CCDC18: variants seen among roughly 807,000 people sequenced by gnomAD.
The protein encoded by CCDC18 is coiled-coil domain containing 18.
Under a neutral mutation model 196.0 loss-of-function variants are expected in CCDC18, and 157 were observed. The ratio of observed to expected loss-of-function variants is 0.80; its 90% CI spans 0.70 to 0.91. The LOEUF (loss-of-function observed/expected upper bound fraction) is 0.91. CCDC18 is among the 40% of genes least tolerant of loss of function. The pLI is 0.00. For synonymous variants in CCDC18, 482 were observed against 529.2 expected (o/e 0.91, Z 1.22); for missense variants, 1,465 against 1,611.6 (o/e 0.91, Z 1.56).
At chr1:93,261,958 A>AACTT (rs1438559751) in intron 26 of CCDC18, among the ~76,000 whole-genome samples, 2 of 152,170 alleles carry the variant, frequency 1.3e-5, no homozygotes, top group African/African-American at 2.4e-5. Context: ...CACCTCGGGA[A>AACTT]ACTTACAATC....
chr1:93,239,578 T>C, intron 20 of CCDC18, 105 bp downstream of exon 20: 1 of 1,391,676 alleles, frequency 7.2e-7, no homozygotes, highest in Non-Finnish European at 9.8e-7. Flanking sequence ...AAATAAGTGG[T>C]ATTTTGCCTC....
chr1:93,208,968 AT>A (rs1216763753), intron 9 of CCDC18, among the ~76,000 whole-genome samples: 1 of 150,176 alleles, frequency 6.7e-6, no homozygotes, highest in Non-Finnish European at 1.5e-5. Context: ...CCGGCCTTTT[AT>A]TTTTTTGAAA....
intron 18 of CCDC18, among the ~76,000 whole-genome samples, chr1:93,235,780 A>G (rs997834223): frequency 1.3e-5 from 2 of 152,174 alleles, no homozygotes; most frequent in Non-Finnish European, 2.9e-5. Context: ...AGTTTGATTT[A>G]TATAAAGGAG....
chr1:93,221,500 A>T, intron 14 of CCDC18, 109 bp from the exon 15 acceptor site: 1 of 743,728 alleles, frequency 1.3e-6, no homozygotes, highest in Non-Finnish European at 2.0e-6. Flanking sequence ...ACAATTTGGC[A>T]AAATACAAAA....
At chr1:93,272,008 T>C (rs1665312146) in intron 28 of CCDC18, among the ~76,000 whole-genome samples, 1 of 152,196 alleles carries the variant, frequency 6.6e-6, no homozygotes, top group Admixed American at 6.5e-5. Flanking sequence ...AGTTTGAGAA[T>C]GGAAATAATC....
intron 21 of CCDC18, among the ~76,000 whole-genome samples, chr1:93,245,149 C>G (rs1474913165): frequency 1.3e-5 from 2 of 152,012 alleles, no homozygotes; most frequent in African/African-American, 4.8e-5. Flanking sequence ...TAGGAAACAT[C>G]CAGTAAATAT....
At chr1:93,197,745 CTTTTT>C (rs71094240) in intron 6 of CCDC18, among the ~76,000 whole-genome samples, 1 of 76,008 alleles carries the variant, frequency 1.3e-5, no homozygotes. Context: ...CTTTTCTTTT[CTTTTT>C]TTTTTTTTTT....
In CCDC18 at chr1:93,192,115, A is replaced by G. The variant is rs115246469; in HGVS notation, c.569+9A>G. 0.013 allele frequency: 19,185 copies of G among 1,530,460 alleles called. 179 individuals carry two copies. The highest frequency in any genetic ancestry group is 0.013 in the Non-Finnish European group (14,784 of 1,105,752). 94.8% of individuals were successfully genotyped at this position (1,530,460 alleles called of 1,614,324 possible). A position where few individuals can be genotyped will look rare whatever the true frequency, so the allele number is the denominator to read the frequency against. ...CAAGATAAAGTTTTGAGGTAAATAT[A>G]CTTTTTATAGCTCTCAAAGTTTTAT... On this transcript the variant is annotated intron_variant, in intron 5 of 28. Transcript: ENST00000690025.
Position 93,226,383 on chromosome 1 carries a change from G to A in CCDC18, c.2226G>A (p.Leu742=), listed in dbSNP as rs750115635. ...ALEICKEELV[L]HLNQLEGNKE... ...AAATTTGTAAGGAAGAACTTGTCTT[G>A]CATTTGAATCAATTGGAAGGAAATA... Residue 742 remains leucine (L), a synonymous_variant, in exon 17 of 29, where the codon TTG becomes TTA. Coordinates refer to ENST00000690025, the MANE Select transcript of CCDC18 (RefSeq NM_001378204.1). The A allele has an allele frequency of 6.3e-7, 1 of 1,588,058 alleles. No homozygotes were observed. Among genetic ancestry groups the A allele is most frequent in the Non-Finnish European group, 8.6e-7 (1 of 1,167,956 alleles).
At chr1:93,192,473 C>G (rs1434826444) in intron 5 of CCDC18, among the ~76,000 whole-genome samples, 1 of 152,224 alleles carries the variant, frequency 6.6e-6, no homozygotes, top group African/African-American at 2.4e-5. Flanking sequence ...CACTGCGTCA[C>G]CTAGGCTGGA....
At chr1:93,212,513 C>T (rs1570376685) in intron 11 of CCDC18, among the ~76,000 whole-genome samples, 1 of 152,056 alleles carries the variant, frequency 6.6e-6, no homozygotes, top group African/African-American at 2.4e-5. Context: ...CTCTGATAGA[C>T]CCCAGTATGT....
chr1:93,205,419 G>GCTAGA, intron 7 of CCDC18, 91 bp from the exon 8 acceptor site: 2 of 1,118,240 alleles, frequency 1.8e-6, no homozygotes, highest in Non-Finnish European at 2.5e-6. Flanking sequence ...CTACTCTCCT[G>GCTAGA]CTTATTTCTG....
intron 28 of CCDC18, chr1:93,271,122 A>G: frequency 1.0e-6 from 1 of 984,372 alleles, no homozygotes; most frequent in Non-Finnish European, 1.2e-6. Context: ...AAATGGTAAG[A>G]AATATGCAGT....
chr1:93,184,798 A>G (rs1337554502), intron 3 of CCDC18, among the ~76,000 whole-genome samples: 1 of 151,996 alleles, frequency 6.6e-6, no homozygotes, highest in Admixed American at 6.6e-5. Context: ...TCGGAAAGCC[A>G]ACCATTAAGA....
At position 93,192,011 on chromosome 1, in the gene CCDC18, T is replaced by A. The variant is rs1041200125; in HGVS notation, c.474T>A (p.Leu158=). ...TTTTTATGTTTTAGGTTTCTATGCT[T>A]GAGTCTGCTCAACAGCAGGCAGCCA... ...LTQSRAKVSM[L]ESAQQQAASV... Residue 158 remains leucine (L), a synonymous_variant, in exon 5 of 29, where the codon CTT becomes CTA. Coordinates refer to ENST00000690025, the MANE Select transcript of CCDC18 (RefSeq NM_001378204.1). 1 of 1,611,092 alleles carries A rather than the reference T, an allele frequency of 6.2e-7. No homozygotes were observed. Among genetic ancestry groups the A allele is most frequent in the Non-Finnish European group, 8.5e-7 (1 of 1,177,634 alleles).
chr1:93,214,779 A>G lies in CCDC18; in HGVS notation c.1532A>G (p.Asn511Ser). ...SVKDQNQHTM[N>S]KQYEKERQRL... ...AAAGATCAAAATCAACATACTATGA[A>G]CAAGCAATATGAAAAAGAGAGGCAA... Residue 511 changes from asparagine (N) to serine (S), a missense_variant, in exon 12 of 29, where the codon AAC (asparagine) becomes AGC (serine). Transcript: ENST00000690025. 2 of 1,612,670 alleles carry G rather than the reference A, an allele frequency of 1.2e-6. No individual in the cohort carries two copies. The highest frequency in any genetic ancestry group is 2.2e-5 in the South Asian group (2 of 91,018).
intron 11 of CCDC18, among the ~76,000 whole-genome samples, chr1:93,212,656 G>A (rs541199923): frequency 6.6e-6 from 1 of 152,270 alleles, no homozygotes; most frequent in East Asian, 1.9e-4. Context: ...GACAGCAAAA[G>A]TTATTTCAGA....
intron 1 of CCDC18, among the ~76,000 whole-genome samples, chr1:93,181,623 CT>C (rs758209285): frequency 4.0e-5 from 6 of 148,878 alleles, no homozygotes; most frequent in African/African-American, 4.9e-5. Context: ...GGAGTTCTTT[CT>C]TTTTTTTTTG....
At chr1:93,271,864 C>T (rs1375224395) in intron 28 of CCDC18, among the ~76,000 whole-genome samples, 1 of 152,114 alleles carries the variant, frequency 6.6e-6, no homozygotes, top group Non-Finnish European at 1.5e-5. Flanking sequence ...TCCATTCCCC[C>T]TTTTGATATT....
Sources: gnomAD v4.1 joint callset for allele counts (sites outside exome capture counted in the v4.1 genomes callset) on GRCh38, gnomAD v4.1.1 for gene constraint, MANE v1.5 for transcripts, NCBI Gene and HGNC (gene_info 2026-07-23, HGNC 2026-07-21) for gene names.